The following DNAAF11 variants were observed in gnomAD, a reference collection of about 807,000 sequenced individuals.
DNAAF11 encodes leucine rich repeat containing 6.
In DNAAF11, 45 loss-of-function variants were observed where a neutral mutation model predicts 60.8. That is an observed-to-expected ratio of 0.74 (90% CI 0.58 to 0.95). The LOEUF (loss-of-function observed/expected upper bound fraction) is 0.95. Ranked by LOEUF, DNAAF11 falls within the 40% of genes least tolerant of loss-of-function variation. The probability of loss-of-function intolerance (pLI) is 0.00; values close to 1 mark genes in which losing one functional copy is unlikely to be tolerated. For missense variants in DNAAF11, 546 were observed against 546.2 expected (o/e 1.00, Z 0.00); for synonymous variants, 191 against 183.5 (o/e 1.04, Z -0.33).
intron 3 of DNAAF11, among the ~76,000 whole-genome samples, chr8:132,652,952 C>A (rs114093114): frequency 1.3e-5 from 2 of 151,694 alleles, no homozygotes; most frequent in African/African-American, 2.4e-5. Flanking sequence ...AAAAAAAGTA[C>A]GGCCAAAATA....
chr8:132,660,124 T>C (rs1823987507), intron 2 of DNAAF11, among the ~76,000 whole-genome samples: 1 of 152,202 alleles, frequency 6.6e-6, no homozygotes, highest in South Asian at 2.1e-4. Context: ...TGGCTTCTCC[T>C]TTCTGCTCCT....
intron 5 of DNAAF11, among the ~76,000 whole-genome samples, chr8:132,628,581 C>T (rs1437876336): frequency 6.6e-6 from 1 of 152,148 alleles, no homozygotes; most frequent in African/African-American, 2.4e-5. Context: ...ATGTTCATCT[C>T]CCTTTCTTGC....
At chr8:132,644,388 G>T (rs1822154063) in intron 3 of DNAAF11, among the ~76,000 whole-genome samples, 1 of 152,056 alleles carries the variant, frequency 6.6e-6, no homozygotes, top group African/African-American at 2.4e-5. Context: ...GGCCAAATAG[G>T]AACAGCTCCA....
the DNAAF11 span, among the ~76,000 whole-genome samples, chr8:132,697,145 G>C: frequency 6.6e-6 from 1 of 152,226 alleles, no homozygotes; most frequent in Non-Finnish European, 1.5e-5. Flanking sequence ...TAGTAGATTA[G>C]TGGTTAGTAG....
At chr8:132,606,172 C>T (rs1266656711) in intron 10 of DNAAF11, among the ~76,000 whole-genome samples, 1 of 152,068 alleles carries the variant, frequency 6.6e-6, no homozygotes. Flanking sequence ...TACTGCACTG[C>T]CAGTCGTATA....
At chr8:132,663,702 C>T (rs1193662118) in intron 1 of DNAAF11, among the ~76,000 whole-genome samples, 3 of 152,176 alleles carry the variant, frequency 2.0e-5, no homozygotes, top group African/African-American at 7.2e-5. Context: ...GAGCCCAAGT[C>T]TTCCTCTCTA....
At chr8:132,662,773 A>C (rs1824260076) in intron 1 of DNAAF11, among the ~76,000 whole-genome samples, 1 of 152,222 alleles carries the variant, frequency 6.6e-6, no homozygotes, top group Admixed American at 6.5e-5. Flanking sequence ...AAGCATAAGC[A>C]AATAACAGCC....
At chr8:132,689,131 A>C in the DNAAF11 span, among the ~76,000 whole-genome samples, 2 of 152,202 alleles carry the variant, frequency 1.3e-5, no homozygotes, top group Non-Finnish European at 2.9e-5. Flanking sequence ...CACAAAATCT[A>C]CAGTTACTCC....
chr8:132,591,771 G>A (rs1233692308), intron 10 of DNAAF11, among the ~76,000 whole-genome samples: 1 of 152,006 alleles, frequency 6.6e-6, no homozygotes, highest in Non-Finnish European at 1.5e-5. Flanking sequence ...TAGATGAAAT[G>A]CAAGTGAACA....
chr8:132,615,657 AT>A lies in DNAAF11; in HGVS notation c.915-561del, dbSNP rs532850615. ...GAAACAGAGGTTCAAAGAGGTTGGC[AT>A]AGCTGAATTATAATAAATGCCTTTA... On this transcript the variant is annotated intron_variant, in intron 7 of 11. Coordinates refer to ENST00000620350, the MANE Select transcript of DNAAF11 (RefSeq NM_012472.6). Among the ~76,000 whole-genome samples the A allele has an allele frequency of 2.4e-3, 366 of 152,274 alleles. 1 individual carries two copies. The highest frequency in any genetic ancestry group is 4.5e-3 in the Non-Finnish European group (307 of 68,030).
intron 11 of DNAAF11, among the ~76,000 whole-genome samples, chr8:132,573,121 T>G (rs185932420): frequency 6.6e-6 from 1 of 151,970 alleles, no homozygotes; most frequent in Non-Finnish European, 1.5e-5. Context: ...GATACAGATA[T>G]AGATATAGAT....
At chr8:132,677,643 C>A (rs1825808621), upstream of DNAAF11, among the ~76,000 whole-genome samples, 1 of 152,008 alleles carries the variant, frequency 6.6e-6, no homozygotes, top group Non-Finnish European at 1.5e-5. Context: ...ACTTGGGAGG[C>A]TGAGGTGGGA....
chr8:132,615,345 A>G (rs1214615376), intron 7 of DNAAF11, among the ~76,000 whole-genome samples: 1 of 152,228 alleles, frequency 6.6e-6, no homozygotes, highest in African/African-American at 2.4e-5. Flanking sequence ...TTACACACAA[A>G]AAATTAGCTT....
intron 11 of DNAAF11, among the ~76,000 whole-genome samples, chr8:132,580,999 C>A (rs761782646): frequency 4.6e-5 from 7 of 152,164 alleles, no homozygotes; most frequent in Non-Finnish European, 7.4e-5. Flanking sequence ...CAAACCCATA[C>A]AGATGTGGAC....
intron 3 of DNAAF11, among the ~76,000 whole-genome samples, chr8:132,652,788 T>C (rs1339883402): frequency 2.0e-5 from 3 of 151,750 alleles, no homozygotes; most frequent in Non-Finnish European, 4.4e-5. Context: ...CCAGGGCCTG[T>C]CGGGGGTTGG....
chr8:132,672,903 A>C (rs1257213653), intron 1 of DNAAF11, among the ~76,000 whole-genome samples: 1 of 152,194 alleles, frequency 6.6e-6, no homozygotes, highest in African/African-American at 2.4e-5. Flanking sequence ...TAAAATGAAC[A>C]GGTACACTAG....
At chr8:132,592,710 T>A (rs1816595409) in intron 10 of DNAAF11, among the ~76,000 whole-genome samples, 1 of 152,188 alleles carries the variant, frequency 6.6e-6, no homozygotes, top group Non-Finnish European at 1.5e-5. Flanking sequence ...ATAATACCAT[T>A]GTAGTAATAA....
At chr8:132,616,550 G>T (rs1344002475) in intron 7 of DNAAF11, among the ~76,000 whole-genome samples, 2 of 152,120 alleles carry the variant, frequency 1.3e-5, no homozygotes, top group East Asian at 3.9e-4. Context: ...AAGGTTTCTG[G>T]TCTTAGCCAA....
rs545035055 is a variant in DNAAF11 at position 132,597,682 on chromosome 8, C to T, written c.1140+12484G>A. 5.3e-5 allele frequency among the ~76,000 whole-genome samples: 8 copies of T among 152,276 alleles called. No individual in the cohort carries two copies. The South Asian group carries it at 1.7e-3, about 32-fold the overall frequency. The stretch of plus-strand genomic sequence containing the variant: ...ATTTGGAAAAGAGGCTTCTCTATAA[C>T]CTTGAAGAAAACAATTATCTGCAAA... On this transcript the variant is annotated intron_variant, in intron 10 of 11. Coordinates refer to ENST00000620350, the MANE Select transcript of DNAAF11 (RefSeq NM_012472.6).
Sources: gnomAD v4.1 joint callset for allele counts (sites outside exome capture counted in the v4.1 genomes callset) on GRCh38, gnomAD v4.1.1 for gene constraint, MANE v1.5 for transcripts, NCBI Gene and HGNC (gene_info 2026-07-23, HGNC 2026-07-21) for gene names.